The following BBS7 variants were observed in gnomAD, a reference collection of about 807,000 sequenced individuals.
BBS7 encodes the protein Bardet-Biedl syndrome 7.
BBS7 carries 50 observed loss-of-function variants against 90.3 expected under a neutral mutation model. The ratio of observed to expected loss-of-function variants is 0.55; its 90% CI spans 0.44 to 0.70. The LOEUF (loss-of-function observed/expected upper bound fraction) is 0.70, where lower values mean the gene tolerates loss of function less well. Ranked by LOEUF, BBS7 falls within the 30% of genes least tolerant of loss-of-function variation. The pLI, the probability that BBS7 is intolerant of heterozygous loss-of-function variation, is 0.00. For missense variants in BBS7, 729 were observed against 838.9 expected (o/e 0.87, Z 1.62); for synonymous variants, 235 against 287.4 (o/e 0.82, Z 1.85).
chr4:121,868,031 G>A lies in BBS7; in HGVS notation c.52C>T (p.Gln18Ter). The change falls in exon 2 of 19, where the codon CAG (glutamine) becomes TAG (stop). Residue 18 changes from glutamine (Q) to a stop codon, truncating the protein, a stop_gained. Transcript: ENST00000264499. LOFTEE classifies it high-confidence loss of function. ...MDYLQVGVTS[Q>*]KTMKLIPASR... ...GCAGGAATTAGCTTCATAGTCTTCT[G>A]AGATGTTACTCCCACCTAAAGAAAA... 6.2e-7 allele frequency: 1 copy of A among 1,613,462 alleles called. No homozygotes were observed. The highest frequency in any genetic ancestry group is 1.7e-5 in the Admixed American group (1 of 60,016).
intron 5 of BBS7, among the ~76,000 whole-genome samples, chr4:121,855,898 A>G (rs959179604): frequency 3.9e-4 from 56 of 142,464 alleles, no homozygotes; most frequent in African/African-American, 1.5e-3. Context: ...ACATACATGT[A>G]TGTGTATATA....
At chr4:121,832,980 T>C (rs923930905) in intron 15 of BBS7, among the ~76,000 whole-genome samples, 1 of 152,220 alleles carries the variant, frequency 6.6e-6, no homozygotes, top group Admixed American at 6.5e-5. Context: ...AGGGCTCTTT[T>C]TAAATAATTT....
chr4:121,853,090 T>C lies in BBS7; in HGVS notation c.719-4A>G. ...AAGCTGTCAATACACAAAATACCTTTAAAAAGAGATATGTGATAAGTTATT... is the reference window on the plus strand; with the variant it reads ...AAGCTGTCAATACACAAAATACCTTCAAAAAGAGATATGTGATAAGTTATT... On this transcript the variant is annotated splice_region_variant and splice_polypyrimidine_tract_variant and intron_variant, in intron 7 of 18. Transcript: ENST00000264499. The C allele has an allele frequency of 5.0e-6, 8 of 1,612,102 alleles. No homozygotes were observed. The highest frequency in any genetic ancestry group is 6.8e-6 in the Non-Finnish European group (8 of 1,178,306).
intron 4 of BBS7, 37 bp from the exon 5 acceptor site, chr4:121,859,215 A>G (rs372774063): frequency 1.2e-4 from 193 of 1,578,124 alleles, no homozygotes; most frequent in Non-Finnish European, 1.6e-4. Flanking sequence ...AAAAATAAGC[A>G]CAGGTACTGA....
intron 7 of BBS7, among the ~76,000 whole-genome samples, chr4:121,854,114 C>T (rs542183946): frequency 3.9e-5 from 6 of 152,316 alleles, no homozygotes; most frequent in East Asian, 3.9e-4. Flanking sequence ...CCTCCTCCTT[C>T]TACCATCACT....
At position 121,853,047 on chromosome 4, in the gene BBS7, C is replaced by T; in HGVS notation, c.758G>A (p.Gly253Glu). The change falls in exon 8 of 19, where the codon GGG becomes GAG. Residue 253 changes from glycine to glutamate, a missense_variant. Physicochemically the swap from Gly to Glu is moderately conservative, Grantham distance 98. Coordinates refer to ENST00000264499, the MANE Select transcript of BBS7 (RefSeq NM_176824.3). ...TCTCCCAACAAGTAAATCTTTAACC[C>T]CATCACCCACAATGTCAAAGCTGTC... Reference protein sequence around the residue: ...CIDSFDIVGDGVKDLLVGRDD... With the variant: ...CIDSFDIVGDEVKDLLVGRDD... 1 of 1,613,682 alleles carries T rather than the reference C, an allele frequency of 6.2e-7. No homozygotes were observed. Among genetic ancestry groups the T allele is most frequent in the Non-Finnish European group, 8.5e-7 (1 of 1,179,730 alleles).
rs1724987337 is a variant in BBS7, at chr4:121,828,023, C to G, written c.2014+123G>C. On this transcript the variant is annotated intron_variant, in intron 18 of 18. Transcript: ENST00000264499. ...AAATTTGTTGTCAACTGATTCATGA[C>G]TGGTTCATGAATCATGACTGATGTA... 3.3e-6 allele frequency: 5 copies of G among 1,515,048 alleles called. 1 individual carries two copies. The South Asian group carries it at 6.9e-5, about 21-fold the overall frequency. The allele number at this position is 1,515,048 out of a possible 1,614,324, so 93.9% of individuals were successfully genotyped here. A position where few individuals can be genotyped will look rare whatever the true frequency, so the allele number is the denominator to read the frequency against.
chr4:121,834,921 T>C (rs924269529), intron 14 of BBS7, among the ~76,000 whole-genome samples: 5 of 152,112 alleles, frequency 3.3e-5, no homozygotes, highest in African/African-American at 1.2e-4. Context: ...AATCCCAGAA[T>C]AGTAATATAT....
intron 12 of BBS7, among the ~76,000 whole-genome samples, chr4:121,840,895 T>A (rs556038409): frequency 1.3e-5 from 2 of 151,506 alleles, no homozygotes; most frequent in African/African-American, 4.8e-5. Context: ...TAGAGTGCAG[T>A]GGTGTGATCT....
chr4:121,833,136 C>T (rs1169887916), intron 15 of BBS7, 95 bp downstream of exon 15: 7 of 1,189,780 alleles, frequency 5.9e-6, no homozygotes, highest in Non-Finnish European at 7.4e-6. Context: ...GATTTTCAAT[C>T]AGATTACTCA....
At chr4:121,832,009 A>AACACAC (rs375865529) in intron 15 of BBS7, among the ~76,000 whole-genome samples, 30,872 of 142,628 alleles carry the variant, frequency 0.22, 3,323 homozygotes, top group African/African-American at 0.24. Flanking sequence ...AAAAAACAAA[A>AACACAC]ACACACACAC....
chr4:121,850,660 T>C (rs933901221), intron 8 of BBS7, among the ~76,000 whole-genome samples: 8 of 152,234 alleles, frequency 5.3e-5, no homozygotes, highest in African/African-American at 1.4e-4. Context: ...AAAACGGCAC[T>C]GGCAACACAC....
intron 2 of BBS7, 39 bp from the exon 3 acceptor site, chr4:121,863,318 A>G (rs1727087047): frequency 6.7e-7 from 1 of 1,499,822 alleles, no homozygotes; most frequent in Admixed American, 1.7e-5. Flanking sequence ...TACTATTATT[A>G]ATATTATGAC....
chr4:121,851,581 C>CA (rs1560657004), intron 8 of BBS7, among the ~76,000 whole-genome samples: 3 of 151,554 alleles, frequency 2.0e-5, no homozygotes, highest in African/African-American at 2.4e-5. Flanking sequence ...ACTAAACTTA[C>CA]AAAAAAAAGA....
intron 15 of BBS7, among the ~76,000 whole-genome samples, chr4:121,829,927 C>CT (rs945539719): frequency 2.0e-5 from 3 of 152,162 alleles, no homozygotes; most frequent in African/African-American, 7.2e-5. Flanking sequence ...TACTGCTAGA[C>CT]TTTTAAGTTA....
At chr4:121,849,919 T>C (rs948201845) in intron 8 of BBS7, among the ~76,000 whole-genome samples, 1 of 152,184 alleles carries the variant, frequency 6.6e-6, no homozygotes, top group Non-Finnish European at 1.5e-5. Flanking sequence ...CCATCTCTTA[T>C]GTGTATTCTC....
Position 121,835,158 on chromosome 4 carries a change from A to G in BBS7, c.1497T>C (p.Phe499=). ...KPLSLHQRTH[F]IDHDRPMNTL... Reference sequence around the variant, plus strand: ...CTTTGTCCTACCTGTCATGATCAATAAAGTGAGTTCTTTGATGGAGTGAAA... The same window carrying G: ...CTTTGTCCTACCTGTCATGATCAATGAAGTGAGTTCTTTGATGGAGTGAAA... The change falls in exon 14 of 19, where the codon TTT becomes TTC. Residue 499 remains phenylalanine, a synonymous_variant. Transcript: ENST00000264499. 6.2e-7 allele frequency: 1 copy of G among 1,613,920 alleles called. No homozygotes were observed. Among genetic ancestry groups the G allele is most frequent in the Non-Finnish European group, 8.5e-7 (1 of 1,179,818 alleles).
chr4:121,858,310 C>T (rs919150921), intron 5 of BBS7, among the ~76,000 whole-genome samples: 2 of 152,052 alleles, frequency 1.3e-5, no homozygotes, highest in African/African-American at 4.8e-5. Flanking sequence ...GTTTCTGATA[C>T]AGTTCATCTA....
At chr4:121,836,245 T>C (rs1468014203) in intron 13 of BBS7, among the ~76,000 whole-genome samples, 1 of 152,180 alleles carries the variant, frequency 6.6e-6, no homozygotes, top group Non-Finnish European at 1.5e-5. Context: ...TCATTTCACA[T>C]GACTAAGTTC....
Sources: gnomAD v4.1 joint callset for allele counts (sites outside exome capture counted in the v4.1 genomes callset) on GRCh38, gnomAD v4.1.1 for gene constraint, MANE v1.5 for transcripts, NCBI Gene and HGNC (gene_info 2026-07-23, HGNC 2026-07-21) for gene names.